The following SLC11A2 variants were observed in gnomAD, a reference collection of about 807,000 sequenced individuals.
SLC11A2 encodes solute carrier family 11 member 2.
SLC11A2 carries 38 observed loss-of-function variants against 68.0 expected under a neutral mutation model. The ratio of observed to expected loss-of-function variants is 0.56; its 90% CI spans 0.43 to 0.73. The LOEUF is 0.73. Ranked by LOEUF, SLC11A2 falls within the 30% of genes least tolerant of loss-of-function variation. The probability of loss-of-function intolerance (pLI) is 0.00; values close to 1 mark genes in which losing one functional copy is unlikely to be tolerated. For missense variants in SLC11A2, 517 were observed against 690.5 expected, an observed-to-expected ratio of 0.75 and a Z score of 2.82; for synonymous variants, 242 against 250.6, an observed-to-expected ratio of 0.97 and a Z score of 0.32.
intron 15 of SLC11A2, among the ~76,000 whole-genome samples, chr12:50,990,217 A>C (rs224566): frequency 0.91 from 138,508 of 152,210 alleles, 63,311 homozygotes; most frequent in East Asian, 0.98. Context: ...TCACTATTTA[A>C]TTATTTCCTT....
downstream of SLC11A2, among the ~76,000 whole-genome samples, chr12:50,976,587 C>T (rs1385190488): frequency 6.6e-6 from 1 of 152,164 alleles, no homozygotes; most frequent in Admixed American, 6.6e-5. Context: ...TGGCACAAGA[C>T]AGGGATGCCC....
At chr12:51,020,706 A>G (rs1592451639) in intron 1 of SLC11A2, among the ~76,000 whole-genome samples, 1 of 152,104 alleles carries the variant, frequency 6.6e-6, no homozygotes, top group East Asian at 1.9e-4. Flanking sequence ...GATTTGGGGG[A>G]AAAAACGGTT....
chr12:51,005,017 G>T, intron 4 of SLC11A2, 110 bp from the exon 5 acceptor site: 1 of 1,294,700 alleles, frequency 7.7e-7, no homozygotes, highest in Non-Finnish European at 1.1e-6. Flanking sequence ...TCAGAAAAGA[G>T]CCCAGGTCAA....
downstream of SLC11A2, chr12:50,981,683 G>A (rs1234021591): frequency 7.5e-7 from 1 of 1,331,366 alleles, no homozygotes; most frequent in East Asian, 2.5e-5. Flanking sequence ...GCACAAAAAG[G>A]GCTTAGAAAA....
At chr12:50,973,982 G>T in the SLC11A2 span, among the ~76,000 whole-genome samples, 1 of 152,278 alleles carries the variant, frequency 6.6e-6, no homozygotes, top group South Asian at 2.1e-4. Context: ...AGAAATATGG[G>T]ACTATGTGAA....
At position 50,986,198 on chromosome 12, in the gene SLC11A2, A is replaced by T. The variant is rs1565977467; in HGVS notation, c.*2127T>A. 3.1e-6 allele frequency: 4 copies of T among 1,283,742 alleles called. No individual in the cohort carries two copies. The highest frequency in any genetic ancestry group is 4.1e-6 in the Non-Finnish European group (4 of 985,680). 79.5% of individuals were successfully genotyped at this position (1,283,742 alleles called of 1,614,324 possible). A position where few individuals can be genotyped will look rare whatever the true frequency, so the allele number is the denominator to read the frequency against. On this transcript the variant is annotated 3_prime_UTR_variant, in exon 16 of 16. Transcript: ENST00000262052. ...TTAAGAAGAACAAGAACCAATTTATATAAAGTACAATTGTATATCCTTAAA... is the reference window on the plus strand; with the variant it reads ...TTAAGAAGAACAAGAACCAATTTATTTAAAGTACAATTGTATATCCTTAAA...
At chr12:50,994,280 C>A (rs1424120388) in intron 11 of SLC11A2, among the ~76,000 whole-genome samples, 3 of 152,112 alleles carry the variant, frequency 2.0e-5, no homozygotes, top group Non-Finnish European at 4.4e-5. Flanking sequence ...CTCCTGAGCT[C>A]AAGTGATCCA....
chr12:50,976,926 T>A (rs1760001538), downstream of SLC11A2, among the ~76,000 whole-genome samples: 1 of 151,948 alleles, frequency 6.6e-6, no homozygotes, highest in Non-Finnish European at 1.5e-5. Flanking sequence ...TACCTAGGAA[T>A]CCAACTTACA....
rs1240674425 is a variant in SLC11A2, at chr12:50,990,885, T to C, written c.1485A>G (p.Val495=). Residue 495 remains valine (V), a synonymous_variant, in exon 15 of 16, where the codon GTA becomes GTG. Transcript: ENST00000262052. Reference sequence around the variant, plus strand: ...GCCCTAGGTCCCGGACATAAACCACTACAAAGTACATATTGATGGAACAGA... The same window carrying C: ...GCCCTAGGTCCCGGACATAAACCACCACAAAGTACATATTGATGGAACAGA... The part of the protein sequence containing the change: ...LIICSINMYF[V]VVYVRDLGHV... 3 of 1,613,976 alleles carry C rather than the reference T, an allele frequency of 1.9e-6. No homozygotes were observed. Among genetic ancestry groups the C allele is most frequent in the East Asian group, 2.2e-5 (1 of 44,882 alleles).
intron 1 of SLC11A2, chr12:51,025,741 G>A: frequency 3.0e-6 from 3 of 985,210 alleles, no homozygotes; most frequent in Admixed American, 6.1e-5. Flanking sequence ...GTCCCTGAGA[G>A]CTACACAAAC....
the SLC11A2 span, among the ~76,000 whole-genome samples, chr12:50,956,894 A>T: frequency 1.3e-5 from 2 of 152,098 alleles, no homozygotes; most frequent in Non-Finnish European, 2.9e-5. Context: ...CATTTGTTAT[A>T]TATTTCCAGA....
chr12:51,010,640 C>A, intron 2 of SLC11A2, 55 bp downstream of exon 2: 1 of 982,018 alleles, frequency 1.0e-6, no homozygotes, highest in South Asian at 1.3e-5. Context: ...TTTCTGTTAC[C>A]AACATAAACC....
chr12:50,990,556 T>C (rs1941048135), intron 15 of SLC11A2: 3 of 491,794 alleles, frequency 6.1e-6, no homozygotes, highest in Non-Finnish European at 1.1e-5. Flanking sequence ...TAGATTGTTA[T>C]GTGCTCTTTT....
At chr12:51,005,505 T>A in intron 3 of SLC11A2, 69 bp from the exon 4 acceptor site, 1 of 1,603,116 alleles carries the variant, frequency 6.2e-7, no homozygotes, top group Non-Finnish European at 8.5e-7. Flanking sequence ...TGGTCTGTTA[T>A]CACATATGAA....
At chr12:51,008,226 A>AT (rs1942896241) in intron 3 of SLC11A2, 1 of 282,934 alleles carries the variant, frequency 3.5e-6, no homozygotes, top group African/African-American at 3.2e-5. Flanking sequence ...AGATAGACAG[A>AT]TAGATAGATA....
upstream of SLC11A2, among the ~76,000 whole-genome samples, chr12:51,027,989 T>C (rs1944457465): frequency 6.6e-6 from 1 of 150,562 alleles, no homozygotes; most frequent in African/African-American, 2.5e-5. Context: ...AAAAAGAAAA[T>C]GCACAAATTA....
At chr12:50,995,398 T>C (rs1433941264) in intron 10 of SLC11A2, among the ~76,000 whole-genome samples, 1 of 152,204 alleles carries the variant, frequency 6.6e-6, no homozygotes, top group Non-Finnish European at 1.5e-5. Flanking sequence ...CAGTTTCTGT[T>C]TTCTGTTTGT....
intron 3 of SLC11A2, 23 bp downstream of exon 3, chr12:51,008,453 T>C: frequency 1.2e-6 from 2 of 1,605,448 alleles, no homozygotes; most frequent in Non-Finnish European, 1.7e-6. Flanking sequence ...AATAGTGTTC[T>C]CCTCCAAGGA....
intron 13 of SLC11A2, 137 bp from the exon 14 acceptor site, chr12:50,991,809 T>G (rs1411297360): frequency 2.7e-6 from 2 of 744,700 alleles, no homozygotes; most frequent in Non-Finnish European, 4.7e-6. Flanking sequence ...CATCCCAACA[T>G]GCTTGGGCAT....
Sources: gnomAD v4.1 joint callset for allele counts (sites outside exome capture counted in the v4.1 genomes callset) on GRCh38, gnomAD v4.1.1 for gene constraint, MANE v1.5 for transcripts, NCBI Gene and HGNC (gene_info 2026-07-23, HGNC 2026-07-21) for gene names.